The following ESR1 variants were observed in gnomAD, a reference collection of about 807,000 sequenced individuals.
ESR1 encodes estrogen receptor 1, also known as estrogen receptor.
In ESR1, 12 loss-of-function variants were observed where a neutral mutation model predicts 52.7. That is an observed-to-expected ratio of 0.23 (90% confidence interval 0.15 to 0.37). The LOEUF is 0.37. Ranked by LOEUF, ESR1 falls within the 10% of genes least tolerant of loss-of-function variation. The pLI is 1.00. For missense variants in ESR1, 584 were observed against 779.7 expected, an observed-to-expected ratio of 0.75 and a Z score of 2.99; for synonymous variants, 305 against 316.8, an observed-to-expected ratio of 0.96 and a Z score of 0.39.
At chr6:151,736,444 C>T (rs1315434390) in intron 2 of ESR1, among the ~76,000 whole-genome samples, 4 of 132,876 alleles carry the variant, frequency 3.0e-5, no homozygotes, top group Non-Finnish European at 1.5e-5. Context: ...GTGATCTTGG[C>T]TCACTGCAAC....
intron 3 of ESR1, among the ~76,000 whole-genome samples, chr6:151,893,496 T>A (rs1240210000): frequency 6.6e-6 from 1 of 151,294 alleles, no homozygotes; most frequent in African/African-American, 2.4e-5. Context: ...AAATTTATAT[T>A]TTTTATATTT....
At chr6:151,751,326 A>T (rs1483091289) in intron 2 of ESR1, among the ~76,000 whole-genome samples, 3 of 152,186 alleles carry the variant, frequency 2.0e-5, no homozygotes, top group African/African-American at 7.2e-5. Context: ...TTCATTTATT[A>T]TCTGTTTGAG....
At chr6:152,085,657 C>T (rs1196630704) in intron 6 of ESR1, among the ~76,000 whole-genome samples, 2 of 152,124 alleles carry the variant, frequency 1.3e-5, no homozygotes, top group African/African-American at 4.8e-5. Flanking sequence ...GGACACTAGA[C>T]CTCTCACAAA....
At chr6:151,705,023 C>A (rs1182651036) in intron 2 of ESR1, among the ~76,000 whole-genome samples, 1 of 151,712 alleles carries the variant, frequency 6.6e-6, no homozygotes, top group Non-Finnish European at 1.5e-5. Flanking sequence ...CCATAGGGAG[C>A]TTGTCATCCA....
intron 5 of ESR1, among the ~76,000 whole-genome samples, chr6:152,057,796 G>A (rs1052946292): frequency 3.3e-5 from 5 of 152,052 alleles, no homozygotes; most frequent in Admixed American, 6.5e-5. Flanking sequence ...CTCCTAATGT[G>A]TGCTGTAGAG....
chr6:151,838,042 C>T (rs540512550), intron 1 of ESR1, among the ~76,000 whole-genome samples: 3 of 152,186 alleles, frequency 2.0e-5, no homozygotes, highest in East Asian at 3.9e-4. Context: ...CTCTGTCTCC[C>T]AGGCTGGAAT....
At chr6:152,036,158 G>A (rs192850720) in intron 5 of ESR1, among the ~76,000 whole-genome samples, 10 of 152,232 alleles carry the variant, frequency 6.6e-5, no homozygotes, top group African/African-American at 9.6e-5. Context: ...TCAGGAGATC[G>A]AGACCAGCCT....
At chr6:151,724,446 A>G (rs1781692817) in intron 2 of ESR1, among the ~76,000 whole-genome samples, 1 of 152,112 alleles carries the variant, frequency 6.6e-6, no homozygotes, top group Non-Finnish European at 1.5e-5. Context: ...AGAAACGGAC[A>G]TTTAAAGGAT....
At chr6:151,687,534 G>T (rs906441787), upstream of ESR1, among the ~76,000 whole-genome samples, 1 of 152,160 alleles carries the variant, frequency 6.6e-6, no homozygotes, top group African/African-American at 2.4e-5. Flanking sequence ...GCTATCATCT[G>T]GGGTGGCAGA....
At chr6:151,893,460 A>ATTTT (rs1794994912) in intron 3 of ESR1, among the ~76,000 whole-genome samples, 1 of 151,762 alleles carries the variant, frequency 6.6e-6, no homozygotes, top group Non-Finnish European at 1.5e-5. Flanking sequence ...TATTTAGGTG[A>ATTTT]TTATATTTTT....
intron 1 of ESR1, among the ~76,000 whole-genome samples, chr6:151,675,108 C>CTTGTACTA (rs1191443439): frequency 6.6e-6 from 1 of 152,144 alleles, no homozygotes; most frequent in Non-Finnish European, 1.5e-5. Context: ...GAGAATGGCA[C>CTTGTACTA]TTGTACTATT....
intron 2 of ESR1, among the ~76,000 whole-genome samples, chr6:151,738,278 C>A (rs983097102): frequency 6.6e-6 from 1 of 152,110 alleles, no homozygotes. Context: ...TACTTAGATT[C>A]TTTTGACAAG....
intron 3 of ESR1, among the ~76,000 whole-genome samples, chr6:151,905,416 T>C (rs1797289576): frequency 1.3e-5 from 2 of 152,218 alleles, no homozygotes; most frequent in South Asian, 4.1e-4. Context: ...AATAAATGTT[T>C]GGGTTAAAAC....
chr6:151,676,411 A>T (rs1293944), intron 1 of ESR1, among the ~76,000 whole-genome samples: 2 of 151,978 alleles, frequency 1.3e-5, no homozygotes, highest in Non-Finnish European at 2.9e-5. Flanking sequence ...TAGCAATCAG[A>T]GTGTGGTAGT....
In ESR1 at chr6:152,071,566, T is replaced by G. The variant is rs918013059; in HGVS notation, c.1369+10442T>G. 1.4e-4 allele frequency among the ~76,000 whole-genome samples: 22 copies of G among 152,234 alleles called. 1 individual carries two copies. Among genetic ancestry groups the G allele is most frequent in the Admixed American group, 1.1e-3 (17 of 15,284 alleles). ...GCTATTTTTAATACAAGTTAGCTCT[T>G]AGAACAATACCTACTTAAACTAACA... On this transcript the variant is annotated intron_variant, in intron 6 of 7. Coordinates refer to ENST00000206249, the MANE Select transcript of ESR1 (RefSeq NM_000125.4).
At chr6:151,724,688 G>C (rs1781712191) in intron 2 of ESR1, among the ~76,000 whole-genome samples, 3 of 152,082 alleles carry the variant, frequency 2.0e-5, no homozygotes, top group Admixed American at 2.0e-4. Context: ...GAAAGGAATG[G>C]TTGCATGTGC....
intron 4 of ESR1, among the ~76,000 whole-genome samples, chr6:151,994,979 A>AAAC (rs1437480435): frequency 1.3e-5 from 2 of 152,286 alleles, no homozygotes; most frequent in East Asian, 3.9e-4. Flanking sequence ...TACAAAGGGG[A>AAAC]AACCATAATG....
In ESR1 at chr6:152,033,138, A is replaced by T. The variant is rs548810658; in HGVS notation, c.1235+21344A>T. 2.7e-4 allele frequency among the ~76,000 whole-genome samples: 41 copies of T among 152,304 alleles called. 1 individual carries two copies. In the East Asian group the frequency reaches 7.9e-3, roughly 29 times the overall value. ...TTCCTTACACCTTATACAAAAATTAATTCAAGATGGATTAAAGACTTAAAT... is the reference window on the plus strand; with the variant it reads ...TTCCTTACACCTTATACAAAAATTATTTCAAGATGGATTAAAGACTTAAAT... On this transcript the variant is annotated intron_variant, in intron 5 of 7. Coordinates refer to ENST00000206249, the MANE Select transcript of ESR1 (RefSeq NM_000125.4).
rs1444958083 is a variant in ESR1, at chr6:152,101,479, T to C, written c.*2513T>C. 1 of 232,528 alleles carries C rather than the reference T, an allele frequency of 4.3e-6. No individual in the cohort carries two copies. The allele number at this position is 232,528 out of a possible 1,614,324, so 14.4% of individuals were successfully genotyped here. On this transcript the variant is annotated 3_prime_UTR_variant, in exon 8 of 8. Transcript: ENST00000206249. Reference sequence around the variant, plus strand: ...TATTCATCCAATGTGTTTCTATTCATGTTAAGATACTACTACATTTGAAGT... The same window carrying C: ...TATTCATCCAATGTGTTTCTATTCACGTTAAGATACTACTACATTTGAAGT...
Sources: allele counts gnomAD v4.1 joint callset (sites outside exome capture counted in the v4.1 genomes callset), GRCh38; gene constraint gnomAD v4.1.1; transcripts MANE v1.5; gene names NCBI Gene and HGNC (gene_info 2026-07-23, HGNC 2026-07-21).